HPS3: variants seen among roughly 807,000 people sequenced by gnomAD.
HPS3 encodes the protein BLOC-2 complex member HPS3.
In HPS3, 79 loss-of-function variants were observed where a neutral mutation model predicts 110.9. The observed-to-expected ratio is 0.71, with a 90% CI of 0.59 to 0.86. The LOEUF (loss-of-function observed/expected upper bound fraction) is 0.86, where lower values mean the gene tolerates loss of function less well. HPS3 is among the 40% of genes least tolerant of loss of function. The probability of loss-of-function intolerance (pLI) is 0.00; values close to 1 mark genes in which losing one functional copy is unlikely to be tolerated. For missense variants in HPS3, 1,197 were observed against 1,206.2 expected, an observed-to-expected ratio of 0.99 and a Z score of 0.11; for synonymous variants, 428 against 451.0, an observed-to-expected ratio of 0.95 and a Z score of 0.65.
At chr3:149,155,930 A>T (rs1464403992) in intron 8 of HPS3, among the ~76,000 whole-genome samples, 1 of 152,114 alleles carries the variant, frequency 6.6e-6, no homozygotes, top group African/African-American at 2.4e-5. Flanking sequence ...GCTACTTTGG[A>T]AGCTAAGATG....
At chr3:149,157,768 G>T (rs1380904101) in intron 9 of HPS3, among the ~76,000 whole-genome samples, 1 of 152,236 alleles carries the variant, frequency 6.6e-6, no homozygotes, top group Non-Finnish European at 1.5e-5. Context: ...AAGATGAGCA[G>T]TAAGTCTCAA....
At chr3:149,141,408 A>G (rs565326513) in intron 4 of HPS3, 28 bp downstream of exon 4, 1 of 1,559,356 alleles carries the variant, frequency 6.4e-7, no homozygotes, top group African/African-American at 1.4e-5. Context: ...GGAGTGCGAC[A>G]GTGCAGCAAG....
rs1344445583 is a variant in HPS3, at chr3:149,152,727, T to C, written c.1246-767T>C. Among the ~76,000 whole-genome samples the C allele has an allele frequency of 2.6e-5, 4 of 152,320 alleles. No individual in the cohort carries two copies. The East Asian group carries it at 7.7e-4, about 29-fold the overall frequency. On this transcript the variant is annotated intron_variant, in intron 6 of 16. Transcript: ENST00000296051. ...CTAACCAAGCCACCTTAACTATTTT[T>C]ACATGGAGGTAACAATGAAGATGAC...
Position 149,143,520 on chromosome 3 carries a change from T to G in HPS3, c.971-1834T>G, listed in dbSNP as rs117803358. ...CTCTGTGAAAGCAGTTACGTTGTTT[T>G]GAACACTGTTGTATCCCTAGAATCT... On this transcript the variant is annotated intron_variant, in intron 4 of 16. Coordinates refer to ENST00000296051, the MANE Select transcript of HPS3 (RefSeq NM_032383.5). Among the ~76,000 whole-genome samples, 82 of 152,324 alleles carry G rather than the reference T, an allele frequency of 5.4e-4. 1 individual carries two copies. The East Asian group carries it at 0.013, about 24-fold the overall frequency.
chr3:149,155,531 C>CAAAT (rs35607134), intron 8 of HPS3, among the ~76,000 whole-genome samples: 2,213 of 151,926 alleles, frequency 0.015, 24 homozygotes, highest in South Asian at 0.032. Context: ...AGAAATGGAG[C>CAAAT]AAATAAATAA....
At chr3:149,153,250 A>G (rs944438604) in intron 6 of HPS3, among the ~76,000 whole-genome samples, 3 of 152,160 alleles carry the variant, frequency 2.0e-5, no homozygotes, top group African/African-American at 7.2e-5. Flanking sequence ...CAATCAATCA[A>G]TAACTGAGTT....
At chr3:149,165,344 A>G (rs916023823) in intron 14 of HPS3, among the ~76,000 whole-genome samples, 1 of 152,230 alleles carries the variant, frequency 6.6e-6, no homozygotes, top group Non-Finnish European at 1.5e-5. Flanking sequence ...TTGAAAAAGT[A>G]TAATTCAGTG....
In HPS3 at chr3:149,153,534, T is replaced by C; in HGVS notation, c.1286T>C (p.Ile429Thr). The change falls in exon 7 of 17, where the codon ATA (isoleucine) becomes ACA (threonine). Residue 429 changes from isoleucine to threonine, a missense_variant. Coordinates refer to ENST00000296051, the MANE Select transcript of HPS3 (RefSeq NM_032383.5). ...AGTATGGATGTCTGTGCTTTAAGAA[T>C]ACAGCTTTTCATAGGCTTGAAAGCC... Reference protein sequence around the residue: ...PVSMDVCALRIQLFIGLKAIC... With the variant: ...PVSMDVCALRTQLFIGLKAIC... The C allele has an allele frequency of 1.2e-6, 2 of 1,614,074 alleles. No individual in the cohort carries two copies. The highest frequency in any genetic ancestry group is 1.1e-5 in the South Asian group (1 of 91,086).
chr3:149,129,793 C>T lies in HPS3; in HGVS notation c.70C>T (p.Arg24Trp), dbSNP rs1314424927. ...QVVPCKLEPD[R>W]FCGGGRDALF... ...GGTGCCCTGCAAGCTGGAGCCGGAC[C>T]GGTTCTGTGGCGGGGGGCGTGACGC... The change falls in exon 1 of 17, where the codon CGG becomes TGG. Residue 24 changes from arginine (R) to tryptophan (W), a missense_variant. Arg to Trp is a moderately radical substitution (Grantham distance 101, BLOSUM62 -3). Coordinates refer to ENST00000296051, the MANE Select transcript of HPS3 (RefSeq NM_032383.5). The T allele has an allele frequency of 1.2e-6, 2 of 1,609,246 alleles. No individual in the cohort carries two copies. The highest frequency in any genetic ancestry group is 2.7e-5 in the African/African-American group (2 of 74,964).
intron 6 of HPS3, among the ~76,000 whole-genome samples, chr3:149,152,165 T>G (rs1723167488): frequency 1.3e-5 from 2 of 152,210 alleles, no homozygotes; most frequent in African/African-American, 4.8e-5. Flanking sequence ...GAGATTACTT[T>G]AAAATCAGGA....
intron 4 of HPS3, among the ~76,000 whole-genome samples, chr3:149,142,056 G>A (rs1175337325): frequency 1.3e-5 from 2 of 151,862 alleles, no homozygotes; most frequent in African/African-American, 2.4e-5. Flanking sequence ...CTCCATGTTG[G>A]TCAGGCTGGT....
intron 14 of HPS3, among the ~76,000 whole-genome samples, chr3:149,165,019 A>G (rs1399045349): frequency 6.6e-6 from 1 of 152,204 alleles, no homozygotes; most frequent in East Asian, 1.9e-4. Flanking sequence ...CTCAGCCTTC[A>G]GGTGGGGCTG....
chr3:149,144,842 G>A (rs1376038451), intron 4 of HPS3, among the ~76,000 whole-genome samples: 1 of 152,102 alleles, frequency 6.6e-6, no homozygotes, highest in African/African-American at 2.4e-5. Flanking sequence ...GTACAAAAAT[G>A]TATATAATAT....
intron 5 of HPS3, 111 bp downstream of exon 5, chr3:149,145,657 A>G (rs1722746310): frequency 9.5e-6 from 8 of 838,200 alleles, no homozygotes; most frequent in Admixed American, 5.2e-5. Context: ...CTATAAATGC[A>G]TGAGTTACAT....
chr3:149,129,684 T>C lies in HPS3; in HGVS notation c.-40T>C, dbSNP rs199955790. ...GTCAGCGCGGGGTCTCCGGGCGCCC[T>C]GCAGGGCGGGCAGGCTGTGCCATCC... On this transcript the variant is annotated 5_prime_UTR_variant, in exon 1 of 17. Transcript: ENST00000296051. 1.7e-4 allele frequency: 251 copies of C among 1,482,152 alleles called. 3 individuals are homozygous for C. The African/African-American group carries it at 3.2e-3, about 19-fold the overall frequency. 91.8% of individuals were successfully genotyped at this position (1,482,152 alleles called of 1,614,324 possible). A position where few individuals can be genotyped will look rare whatever the true frequency, so the allele number is the denominator to read the frequency against.
At position 149,162,265 on chromosome 3, in the gene HPS3, G is replaced by C. The variant is rs886058079; in HGVS notation, c.2224G>C (p.Val742Leu). 1.5e-5 allele frequency: 24 copies of C among 1,613,912 alleles called. No homozygotes were observed. The highest frequency in any genetic ancestry group is 2.7e-5 in the African/African-American group (2 of 74,914). ...HLKETQPGLL[V>L]ASVLGLQKNN... is the part of the protein sequence containing the mutation. ...GAAGGAAACTCAGCCTGGATTGCTT[G>C]TGGCTTCAGTTCTGGGCTTGCAGAA... is the stretch of plus-strand genomic sequence containing the variant. The change falls in exon 12 of 17, where the codon GTG becomes CTG. Residue 742 changes from valine to leucine, a missense_variant. Coordinates refer to ENST00000296051, the MANE Select transcript of HPS3 (RefSeq NM_032383.5).
At chr3:149,152,440 G>A (rs1304289369) in intron 6 of HPS3, among the ~76,000 whole-genome samples, 1 of 152,142 alleles carries the variant, frequency 6.6e-6, no homozygotes, top group Admixed American at 6.5e-5. Flanking sequence ...AAGGAGAGGT[G>A]GGCATCTGGT....
chr3:149,147,927 A>G (rs558729522), intron 5 of HPS3, among the ~76,000 whole-genome samples: 44 of 152,102 alleles, frequency 2.9e-4, no homozygotes, highest in South Asian at 8.3e-4. Flanking sequence ...CTGGAGTGCA[A>G]TGGCGCGGTC....
intron 9 of HPS3, 42 bp from the exon 10 acceptor site, chr3:149,158,624 A>C (rs1185991306): frequency 6.3e-7 from 1 of 1,581,256 alleles, no homozygotes; most frequent in Admixed American, 1.7e-5. Context: ...CCCGTCTTTA[A>C]AAAAGTGACA....
Sources: allele counts gnomAD v4.1 joint callset (sites outside exome capture counted in the v4.1 genomes callset), GRCh38; gene constraint gnomAD v4.1.1; transcripts MANE v1.5; gene names NCBI Gene and HGNC (gene_info 2026-07-23, HGNC 2026-07-21).